The following SLC25A17 variants were observed in gnomAD, a reference collection of about 807,000 sequenced individuals.
SLC25A17 encodes solute carrier family 25 member 17.
Under a neutral mutation model 38.5 loss-of-function variants are expected in SLC25A17, and 26 were observed. The observed-to-expected ratio is 0.68, with a 90% CI of 0.50 to 0.94. The LOEUF (loss-of-function observed/expected upper bound fraction) is 0.94, where lower values mean the gene tolerates loss of function less well. SLC25A17 is among the 40% of genes least tolerant of loss of function. SLC25A17 has a pLI of 0.00. For missense variants in SLC25A17, 333 were observed against 372.7 expected, an observed-to-expected ratio of 0.89 and a Z score of 0.88; for synonymous variants, 139 against 136.2, an observed-to-expected ratio of 1.02 and a Z score of -0.14.
chr22:40,816,120 C>T (rs536036615), intron 1 of SLC25A17, among the ~76,000 whole-genome samples: 1 of 150,798 alleles, frequency 6.6e-6, no homozygotes, highest in Non-Finnish European at 1.5e-5. Context: ...ACCCAGGAGG[C>T]GGAGGTTGTG....
At chr22:40,776,340 TG>T (rs1569399252) in intron 7 of SLC25A17, 1 of 465,092 alleles carries the variant, frequency 2.2e-6, no homozygotes. Context: ...AGTTTGAGAG[TG>T]CTTCAAAAAA....
intron 1 of SLC25A17, among the ~76,000 whole-genome samples, chr22:40,816,208 A>G (rs1040644737): frequency 1.3e-5 from 2 of 151,950 alleles, no homozygotes; most frequent in African/African-American, 2.4e-5. Context: ...CAAAAAAAAA[A>G]AAAGAAAGAA....
intron 4 of SLC25A17, among the ~76,000 whole-genome samples, chr22:40,785,065 A>C (rs2057326207): frequency 6.6e-6 from 1 of 152,068 alleles, no homozygotes; most frequent in East Asian, 1.9e-4. Flanking sequence ...GGGCTGCCCA[A>C]TTTGCGAATT....
chr22:40,815,842 G>A (rs2057633544), intron 1 of SLC25A17, among the ~76,000 whole-genome samples: 1 of 152,130 alleles, frequency 6.6e-6, no homozygotes, highest in Non-Finnish European at 1.5e-5. Flanking sequence ...TACTATGTAT[G>A]ACGATATAAT....
chr22:40,786,592 G>A (rs2057340429), intron 4 of SLC25A17, among the ~76,000 whole-genome samples: 1 of 152,152 alleles, frequency 6.6e-6, no homozygotes, highest in Non-Finnish European at 1.5e-5. Flanking sequence ...TTGTTATACT[G>A]TATTGTTTAG....
intron 4 of SLC25A17, among the ~76,000 whole-genome samples, chr22:40,791,268 G>A (rs145475582): frequency 2.3e-4 from 35 of 152,262 alleles, no homozygotes; most frequent in African/African-American, 7.9e-4. Context: ...TCTATCCTGA[G>A]TTATTTATCC....
intron 2 of SLC25A17, among the ~76,000 whole-genome samples, chr22:40,794,900 T>C (rs919517908): frequency 2.8e-4 from 43 of 152,282 alleles, no homozygotes; most frequent in African/African-American, 7.7e-4. Context: ...ATTATAGGCA[T>C]GAGCCACCGT....
chr22:40,777,430 A>G, intron 5 of SLC25A17, 57 bp from the exon 6 acceptor site: 1 of 1,547,780 alleles, frequency 6.5e-7, no homozygotes, highest in Non-Finnish European at 8.8e-7. Context: ...CAACTAGAGA[A>G]GACAACATGA....
chr22:40,780,913 T>C (rs1010761693), intron 4 of SLC25A17, among the ~76,000 whole-genome samples: 5 of 152,184 alleles, frequency 3.3e-5, no homozygotes, highest in Non-Finnish European at 7.3e-5. Flanking sequence ...CTCATGCCTG[T>C]AATCTTAGCA....
At chr22:40,801,143 A>G (rs1436758731) in intron 1 of SLC25A17, among the ~76,000 whole-genome samples, 7 of 124,198 alleles carry the variant, frequency 5.6e-5, no homozygotes, top group South Asian at 2.4e-4. Context: ...ATATATATAT[A>G]TATATATATA....
chr22:40,806,577 G>T (rs529775661), intron 1 of SLC25A17, among the ~76,000 whole-genome samples: 2 of 151,212 alleles, frequency 1.3e-5, no homozygotes, highest in African/African-American at 2.4e-5. Flanking sequence ...TGCTCAAGGG[G>T]CTTAAAAAAA....
At chr22:40,786,348 C>T (rs1266601602) in intron 4 of SLC25A17, among the ~76,000 whole-genome samples, 1 of 151,240 alleles carries the variant, frequency 6.6e-6, no homozygotes, top group African/African-American at 2.4e-5. Context: ...GGAGATAATT[C>T]CAGAAAGATT....
intron 5 of SLC25A17, among the ~76,000 whole-genome samples, chr22:40,778,118 C>T (rs1300389764): frequency 6.6e-6 from 1 of 152,162 alleles, no homozygotes; most frequent in Admixed American, 6.5e-5. Flanking sequence ...GAAAGGAGAA[C>T]CTGGCAATGT....
intron 2 of SLC25A17, chr22:40,797,219 A>C: frequency 1.3e-6 from 1 of 753,206 alleles, no homozygotes; most frequent in Non-Finnish European, 2.0e-6. Flanking sequence ...AAAACTATAA[A>C]ATTACCCAAA....
chr22:40,779,216 A>G (rs902392183), intron 4 of SLC25A17, 91 bp from the exon 5 acceptor site: 1 of 1,596,828 alleles, frequency 6.3e-7, no homozygotes, highest in African/African-American at 1.3e-5. Context: ...TATTCCATTT[A>G]TATCTCTGTC....
At chr22:40,779,807 C>A (rs1219605777) in intron 4 of SLC25A17, 2 of 152,726 alleles carry the variant, frequency 1.3e-5, no homozygotes, top group African/African-American at 4.8e-5. Context: ...CAGAGTAGAA[C>A]AATACAATGA....
At chr22:40,781,341 G>C (rs932422071) in intron 4 of SLC25A17, among the ~76,000 whole-genome samples, 3 of 151,746 alleles carry the variant, frequency 2.0e-5, no homozygotes, top group Non-Finnish European at 4.4e-5. Context: ...CGCCTCCCCG[G>C]CTCACACCAT....
intron 4 of SLC25A17, among the ~76,000 whole-genome samples, chr22:40,788,078 C>T (rs1375064764): frequency 6.6e-6 from 1 of 152,102 alleles, no homozygotes; most frequent in African/African-American, 2.4e-5. Flanking sequence ...CTTTTATAAG[C>T]CTTCTCTATT....
At chr22:40,779,164 A>G in intron 4 of SLC25A17, 39 bp from the exon 5 acceptor site, 1 of 1,614,062 alleles carries the variant, frequency 6.2e-7, no homozygotes, top group Non-Finnish European at 8.5e-7. Context: ...GGAAGGCAAA[A>G]TGTCAGCTTT....
Sources: allele counts gnomAD v4.1 joint callset (sites outside exome capture counted in the v4.1 genomes callset), GRCh38; gene constraint gnomAD v4.1.1; transcripts MANE v1.5; gene names NCBI Gene and HGNC (gene_info 2026-07-23, HGNC 2026-07-21).